SPIDR: variants seen among roughly 807,000 people sequenced by gnomAD.
The protein encoded by SPIDR is scaffold protein involved in DNA repair.
SPIDR carries 93 observed loss-of-function variants against 104.6 expected under a neutral mutation model. The observed-to-expected ratio is 0.89, with a 90% CI of 0.75 to 1.06. The LOEUF is 1.06. Ranked by LOEUF, SPIDR falls within the 50% of genes least tolerant of loss-of-function variation. SPIDR has a pLI of 0.00. For missense variants in SPIDR, 1,154 were observed against 1,111.2 expected, an observed-to-expected ratio of 1.04 and a Z score of -0.55; for synonymous variants, 431 against 416.9, an observed-to-expected ratio of 1.03 and a Z score of -0.41.
At chr8:47,386,035 G>T (rs2059863251) in intron 5 of SPIDR, among the ~76,000 whole-genome samples, 1 of 151,824 alleles carries the variant, frequency 6.6e-6, no homozygotes, top group African/African-American at 2.4e-5. Context: ...AATTGATTTT[G>T]GTGTAAATAG....
chr8:47,581,866 G>A (rs532495013), intron 8 of SPIDR, among the ~76,000 whole-genome samples: 9 of 152,196 alleles, frequency 5.9e-5, no homozygotes, highest in African/African-American at 2.2e-4. Flanking sequence ...CTCCACAGAC[G>A]AAAACACATT....
chr8:47,298,917 G>A (rs1325799655), intron 5 of SPIDR, among the ~76,000 whole-genome samples: 3 of 152,298 alleles, frequency 2.0e-5, no homozygotes, highest in African/African-American at 7.2e-5. Flanking sequence ...TTATGGCTTA[G>A]GATTGACTTG....
chr8:47,479,574 A>T (rs1554725775), intron 8 of SPIDR, among the ~76,000 whole-genome samples: 3 of 152,106 alleles, frequency 2.0e-5, no homozygotes, highest in Non-Finnish European at 4.4e-5. Flanking sequence ...GTGGGGCAGT[A>T]GGGGGGAATG....
intron 10 of SPIDR, among the ~76,000 whole-genome samples, chr8:47,637,611 A>G (rs986053238): frequency 6.6e-6 from 1 of 152,194 alleles, no homozygotes; most frequent in Non-Finnish European, 1.5e-5. Flanking sequence ...TGTCTGATTT[A>G]TTACATATGA....
chr8:47,314,804 A>T, intron 5 of SPIDR, among the ~76,000 whole-genome samples: 1 of 152,340 alleles, frequency 6.6e-6, no homozygotes, highest in Non-Finnish European at 1.5e-5. Context: ...ATGAATAATT[A>T]CCTTAATTGA....
In SPIDR at chr8:47,283,977, T is replaced by A. The variant is rs1242484628; in HGVS notation, c.190-51T>A. The A allele has an allele frequency of 2.1e-6, 3 of 1,401,600 alleles. No homozygotes were observed. The African/African-American group carries it at 4.3e-5, about 20-fold the overall frequency. 86.8% of individuals were successfully genotyped at this position (1,401,600 alleles called of 1,614,324 possible). ...AAGATTTTGAATATTTTATAAAAGTTTTTTTTTAGCATTTGTCACATAAAT... is the reference window on the plus strand; with the variant it reads ...AAGATTTTGAATATTTTATAAAAGTATTTTTTTAGCATTTGTCACATAAAT... On this transcript the variant is annotated intron_variant, in intron 2 of 19. Transcript: ENST00000297423.
chr8:47,638,573 G>A (rs2068335664), intron 10 of SPIDR, among the ~76,000 whole-genome samples: 1 of 152,198 alleles, frequency 6.6e-6, no homozygotes, highest in South Asian at 2.1e-4. Flanking sequence ...AGCTTCTATA[G>A]CCCCAGGAAA....
intron 8 of SPIDR, among the ~76,000 whole-genome samples, chr8:47,523,334 A>G (rs970326087): frequency 6.6e-5 from 10 of 152,268 alleles, no homozygotes; most frequent in Non-Finnish European, 1.0e-4. Flanking sequence ...GGTCATTTCT[A>G]GTAGGATTGT....
At chr8:47,538,672 C>T (rs1272276827) in intron 8 of SPIDR, among the ~76,000 whole-genome samples, 1 of 151,994 alleles carries the variant, frequency 6.6e-6, no homozygotes. Flanking sequence ...GGTTTTGCCT[C>T]TATAAATTTG....
At chr8:47,713,342 G>A in intron 15 of SPIDR, 147 bp from the exon 16 acceptor site, 3 of 1,134,276 alleles carry the variant, frequency 2.6e-6, no homozygotes, top group Non-Finnish European at 3.8e-6. Flanking sequence ...TCAGGAGTGT[G>A]CACACACAAT....
At chr8:47,643,166 C>G (rs960508233) in intron 10 of SPIDR, among the ~76,000 whole-genome samples, 5 of 152,110 alleles carry the variant, frequency 3.3e-5, no homozygotes, top group African/African-American at 1.2e-4. Context: ...ATGAATAATA[C>G]TTACACAACT....
chr8:47,393,930 C>A (rs1326160427), intron 5 of SPIDR, among the ~76,000 whole-genome samples: 5 of 150,518 alleles, frequency 3.3e-5, no homozygotes, highest in African/African-American at 4.9e-5. Context: ...TGCTTCCTTT[C>A]TTCTCACTCT....
chr8:47,324,806 G>A (rs2047390265), intron 5 of SPIDR, among the ~76,000 whole-genome samples: 1 of 152,298 alleles, frequency 6.6e-6, no homozygotes, highest in South Asian at 2.1e-4. Flanking sequence ...CGATGATAAA[G>A]TACTACATAC....
intron 5 of SPIDR, among the ~76,000 whole-genome samples, chr8:47,304,470 C>T (rs981627891): frequency 3.9e-5 from 6 of 151,922 alleles, no homozygotes; most frequent in Non-Finnish European, 7.4e-5. Flanking sequence ...AGTTTGAGAC[C>T]GACCTGGCCA....
At chr8:47,368,943 TGTA>T (rs2057621502) in intron 5 of SPIDR, among the ~76,000 whole-genome samples, 1 of 152,330 alleles carries the variant, frequency 6.6e-6, no homozygotes, top group Non-Finnish European at 1.5e-5. Context: ...TTATGAAAGT[TGTA>T]GTAAACTGCT....
At chr8:47,444,921 T>C (rs2070267141) in intron 8 of SPIDR, among the ~76,000 whole-genome samples, 1 of 152,174 alleles carries the variant, frequency 6.6e-6, no homozygotes, top group Non-Finnish European at 1.5e-5. Context: ...GTAGTAGATA[T>C]TGTTATATAT....
intron 3 of SPIDR, among the ~76,000 whole-genome samples, chr8:47,289,576 A>T (rs1256739391): frequency 6.6e-6 from 1 of 152,172 alleles, no homozygotes; most frequent in African/African-American, 2.4e-5. Flanking sequence ...TTTTCCACCT[A>T]TCAGAATGGC....
chr8:47,529,157 C>T (rs973373570), intron 8 of SPIDR, among the ~76,000 whole-genome samples: 8 of 152,228 alleles, frequency 5.3e-5, no homozygotes, highest in Middle Eastern at 3.4e-3. Context: ...CCCGGTGGCT[C>T]GGGCCTGTAA....
At chr8:47,293,123 A>T (rs1412322583) in intron 4 of SPIDR, among the ~76,000 whole-genome samples, 1 of 151,698 alleles carries the variant, frequency 6.6e-6, no homozygotes, top group Non-Finnish European at 1.5e-5. Context: ...GTCTGTTATG[A>T]TCATTATAGT....
Sources: allele counts gnomAD v4.1 joint callset (sites outside exome capture counted in the v4.1 genomes callset), GRCh38; gene constraint gnomAD v4.1.1; transcripts MANE v1.5; gene names NCBI Gene and HGNC (gene_info 2026-07-23, HGNC 2026-07-21).